COL4A2: variants seen among roughly 807,000 people sequenced by gnomAD.
COL4A2 encodes the protein collagen type IV alpha 2 chain.
Under a neutral mutation model 200.2 loss-of-function variants are expected in COL4A2, and 99 were observed. The ratio of observed to expected loss-of-function variants is 0.49; its 90% CI spans 0.42 to 0.58. The LOEUF is 0.58. Ranked by LOEUF, COL4A2 falls within the 20% of genes least tolerant of loss-of-function variation. The probability of loss-of-function intolerance (pLI) is 0.00; values close to 1 mark genes in which losing one functional copy is unlikely to be tolerated. For missense variants in COL4A2, 1,950 were observed against 2,314.1 expected (o/e 0.84, Z 3.23); for synonymous variants, 897 against 900.6 (o/e 1.00, Z 0.07).
intron 20 of COL4A2, among the ~76,000 whole-genome samples, chr13:110,450,704 T>C (rs1158450804): frequency 6.6e-6 from 1 of 152,140 alleles, no homozygotes; most frequent in East Asian, 1.9e-4. Context: ...TGCCACACAG[T>C]GAGGTTTAGT....
At chr13:110,430,786 G>A (rs1244338339) in intron 10 of COL4A2, 179 bp downstream of exon 10, 1 of 924,638 alleles carries the variant, frequency 1.1e-6, no homozygotes, top group African/African-American at 1.6e-5. Context: ...CTGCTGTTAA[G>A]GTTGAAGAAT....
chr13:110,511,808 T>C, intron 47 of COL4A2, 126 bp from the exon 48 acceptor site: 1 of 1,473,316 alleles, frequency 6.8e-7, no homozygotes, highest in Non-Finnish European at 9.2e-7. Context: ...GGATGCCTCA[T>C]GTCCGTATTG....
chr13:110,460,972 T>C (rs1045279940), intron 22 of COL4A2, among the ~76,000 whole-genome samples: 1 of 152,220 alleles, frequency 6.6e-6, no homozygotes, highest in African/African-American at 2.4e-5. Flanking sequence ...ACATTGCATT[T>C]AATTAAAGCA....
intron 3 of COL4A2, among the ~76,000 whole-genome samples, chr13:110,312,457 G>A (rs1157024093): frequency 2.0e-5 from 3 of 152,112 alleles, no homozygotes; most frequent in African/African-American, 7.2e-5. Context: ...CTGGGGAGAG[G>A]GAAAGAAAAT....
intron 40 of COL4A2, among the ~76,000 whole-genome samples, chr13:110,500,663 C>A (rs1190188165): frequency 6.6e-6 from 1 of 152,198 alleles, no homozygotes; most frequent in African/African-American, 2.4e-5. Context: ...AATACTGAAC[C>A]ATTGCTCCTA....
intron 3 of COL4A2, among the ~76,000 whole-genome samples, chr13:110,355,822 CACT>C (rs2139386554): frequency 4.1e-5 from 1 of 24,454 alleles, no homozygotes; most frequent in East Asian, 8.3e-4. Flanking sequence ...GGGAGGGCTG[CACT>C]AGCTCACCTG....
intron 3 of COL4A2, among the ~76,000 whole-genome samples, chr13:110,326,247 G>A (rs1885408916): frequency 6.6e-6 from 1 of 152,192 alleles, no homozygotes; most frequent in African/African-American, 2.4e-5. Context: ...TCCCCTGTGA[G>A]ATGAATTTAT....
intron 4 of COL4A2, among the ~76,000 whole-genome samples, chr13:110,393,961 A>G: frequency 6.6e-6 from 1 of 152,184 alleles, no homozygotes; most frequent in East Asian, 1.9e-4. Flanking sequence ...GACTCATAGT[A>G]AAAACCTTCC....
At chr13:110,395,076 G>A (rs748568111) in intron 4 of COL4A2, among the ~76,000 whole-genome samples, 1 of 152,174 alleles carries the variant, frequency 6.6e-6, no homozygotes, top group Non-Finnish European at 1.5e-5. Context: ...GTCCTCCACA[G>A]GGTTGGCCCT....
At chr13:110,408,483 C>T (rs1277096602) in intron 4 of COL4A2, among the ~76,000 whole-genome samples, 4 of 152,216 alleles carry the variant, frequency 2.6e-5, no homozygotes, top group Admixed American at 2.0e-4. Context: ...GTCGGCTGGC[C>T]GTCCCCAAGT....
In COL4A2 at chr13:110,413,186, A is replaced by G. The variant is rs1879911776; in HGVS notation, c.181-11548A>G. ...GTCAGAAACGTGGTCTAAAAATAGA[A>G]GATTCCATGTGGGAAGAACATGAAT... On this transcript the variant is annotated intron_variant, in intron 4 of 47. Coordinates refer to ENST00000360467, the MANE Select transcript of COL4A2 (RefSeq NM_001846.4). 2.0e-5 allele frequency among the ~76,000 whole-genome samples: 3 copies of G among 152,314 alleles called. No homozygotes were observed. The South Asian group carries it at 6.2e-4, about 32-fold the overall frequency.
chr13:110,459,797 C>G lies in COL4A2; in HGVS notation c.1596+863C>G, dbSNP rs979605896. 2.6e-5 allele frequency: 4 copies of G among 152,272 alleles called. No individual in the cohort carries two copies. In the South Asian group the frequency reaches 6.2e-4, roughly 24 times the overall value. 9.4% of individuals were successfully genotyped at this position (152,272 alleles called of 1,614,324 possible). On this transcript the variant is annotated intron_variant, in intron 22 of 47. Coordinates refer to ENST00000360467, the MANE Select transcript of COL4A2 (RefSeq NM_001846.4). The stretch of plus-strand genomic sequence containing the variant: ...GGACATTATTTATTTATCGAACATT[C>G]GCCTTCTGAAGTTTAGCAAGAACTG...
intron 38 of COL4A2, 132 bp from the exon 39 acceptor site, chr13:110,493,074 CCCCCA>C: frequency 1.8e-5 from 15 of 853,650 alleles, no homozygotes; most frequent in South Asian, 4.2e-5. Flanking sequence ...ATGAGTGACA[CCCCCA>C]TGGGTGAAAT....
chr13:110,331,657 G>A (rs977339759), intron 3 of COL4A2, among the ~76,000 whole-genome samples: 2 of 152,098 alleles, frequency 1.3e-5, no homozygotes, highest in Non-Finnish European at 2.9e-5. Context: ...GCAGTAGGAG[G>A]AATGGAGGCA....
chr13:110,470,679 C>T (rs940570784), intron 28 of COL4A2, among the ~76,000 whole-genome samples: 1 of 152,206 alleles, frequency 6.6e-6, no homozygotes, highest in Non-Finnish European at 1.5e-5. Context: ...GAATATCACA[C>T]AGAACATCGG....
In COL4A2 at chr13:110,512,389, C is replaced by A; in HGVS notation, c.*198C>A. On this transcript the variant is annotated 3_prime_UTR_variant, in exon 48 of 48. Coordinates refer to ENST00000360467, the MANE Select transcript of COL4A2 (RefSeq NM_001846.4). ...GCACTCGGGGTCCCTGGAGGGCAAG[C>A]CCTGCCCACAGAAAGCCAGGAGCAG... The A allele has an allele frequency of 1.1e-6, 1 of 908,444 alleles. No homozygotes were observed. Among genetic ancestry groups the A allele is most frequent in the Non-Finnish European group, 1.6e-6 (1 of 622,674 alleles). The allele number at this position is 908,444 out of a possible 1,614,324, so 56.3% of individuals were successfully genotyped here. A position where few individuals can be genotyped will look rare whatever the true frequency, so the allele number is the denominator to read the frequency against.
chr13:110,425,652 C>T (rs923953942), intron 6 of COL4A2, among the ~76,000 whole-genome samples: 1 of 152,196 alleles, frequency 6.6e-6, no homozygotes, highest in Non-Finnish European at 1.5e-5. Context: ...ACCTCCCATC[C>T]GGCTACTGCT....
chr13:110,458,825 C>T lies in COL4A2; in HGVS notation c.1487C>T (p.Pro496Leu), dbSNP rs570979461. 2.1e-5 allele frequency: 34 copies of T among 1,613,902 alleles called. No homozygotes were observed. In the East Asian group the frequency reaches 4.0e-4, roughly 19 times the overall value. Residue 496 changes from proline (P) to leucine (L), a missense_variant, in exon 22 of 48, where the codon CCG becomes CTG. Around this residue, in one of 2 missense-constraint regions of COL4A2, gnomAD observed 1,385 missense variants for 1,720.5 expected, o/e 0.80. Coordinates refer to ENST00000360467, the MANE Select transcript of COL4A2 (RefSeq NM_001846.4). ...GGCGACGAAGCTATCAAAGGTCTTCCGGGACTGCCAGGACCCAAGGGCTTC... is the reference window on the plus strand; with the variant it reads ...GGCGACGAAGCTATCAAAGGTCTTCTGGGACTGCCAGGACCCAAGGGCTTC... ...TEGDEAIKGL[P>L]GLPGPKGFAG...
At chr13:110,376,950 C>T (rs1878262568) in intron 4 of COL4A2, among the ~76,000 whole-genome samples, 1 of 152,222 alleles carries the variant, frequency 6.6e-6, no homozygotes, top group South Asian at 2.1e-4. Flanking sequence ...ATCTTTCTTG[C>T]TGAGATATGG....
Sources: allele counts gnomAD v4.1 joint callset (sites outside exome capture counted in the v4.1 genomes callset), GRCh38; gene constraint gnomAD v4.1.1; regional missense constraint gnomAD v4.1.1; transcripts MANE v1.5; gene names NCBI Gene and HGNC (gene_info 2026-07-23, HGNC 2026-07-21).